The following NPC1 variants were observed in gnomAD, a reference collection of about 807,000 sequenced individuals.
NPC1 encodes the protein Niemann-Pick C1 protein.
In NPC1, 85 loss-of-function variants were observed where a neutral mutation model predicts 140.4. That is an observed-to-expected ratio of 0.61 (90% CI 0.51 to 0.72). The LOEUF (loss-of-function observed/expected upper bound fraction) is 0.72. NPC1 is among the 30% of genes least tolerant of loss of function. NPC1 has a pLI of 0.00. For synonymous variants in NPC1, 656 were observed against 624.8 expected (o/e 1.05, Z -0.74); for missense variants, 1,504 against 1,623.8 (o/e 0.93, Z 1.27).
At position 23,536,865 on chromosome 18, in the gene NPC1, G is replaced by A. The variant is rs2145358077; in HGVS notation, c.3053C>T (p.Ala1018Val). 1.2e-6 allele frequency: 2 copies of A among 1,613,826 alleles called. No individual in the cohort carries two copies. Among genetic ancestry groups the A allele is most frequent in the African/African-American group, 1.3e-5 (1 of 75,028 alleles). ...NPKCGKGGHA[A>V]YSSAVNILLG... The stretch of plus-strand genomic sequence containing the variant: ...GAGGATGTTAACTGCAGAACTATAG[G>A]CAGCATGTCCCCTGAGGAAAGAATC... The change falls in exon 21 of 25, where the codon GCC (alanine) becomes GTC (valine). Residue 1018 changes from alanine to valine, a missense_variant. By Grantham distance (64) the Ala-to-Val change is moderately conservative. Transcript: ENST00000269228.
intron 24 of NPC1, chr18:23,533,009 G>C: frequency 2.2e-6 from 2 of 923,136 alleles, no homozygotes; most frequent in Non-Finnish European, 2.6e-6. Flanking sequence ...CACTGCTGGT[G>C]TGAGAGCTGG....
intron 4 of NPC1, among the ~76,000 whole-genome samples, chr18:23,566,657 G>A (rs1040743698): frequency 1.3e-5 from 2 of 152,058 alleles, no homozygotes; most frequent in African/African-American, 4.8e-5. Flanking sequence ...CTCCCTGACA[G>A]TAGCCCCTTC....
chr18:23,532,153 A>AACCG lies in NPC1; in HGVS notation c.*45_*48dup, dbSNP rs745675237. On this transcript the variant is annotated 3_prime_UTR_variant, in exon 25 of 25. Transcript: ENST00000269228. ...CCGATGCAGCACCCGTCCAGTGGTA[A>AACCG]ACCGACCGACCCTTAGACACAGTTC... The AACCG allele has an allele frequency of 3.1e-6, 5 of 1,614,072 alleles. No homozygotes were observed. Among genetic ancestry groups the AACCG allele is most frequent in the South Asian group, 1.1e-5 (1 of 91,070 alleles).
intron 3 of NPC1, among the ~76,000 whole-genome samples, 153 bp from the exon 4 acceptor site, chr18:23,569,151 T>C (rs2059167387): frequency 6.6e-6 from 1 of 152,166 alleles, no homozygotes; most frequent in South Asian, 2.1e-4. Context: ...AACTTAAAAC[T>C]TCATGTTAAA....
Position 23,532,287 on chromosome 18 carries a change from A to G in NPC1, c.3755-3T>C, listed in dbSNP as rs748965235. ...TTTGGCTTTATTTACTGATGGCCCT[A>G]TGAGAGAGAGAGACTTTTTCTTATT... On this transcript the variant is annotated splice_polypyrimidine_tract_variant and splice_region_variant and intron_variant, in intron 24 of 24. Transcript: ENST00000269228. The G allele has an allele frequency of 3.1e-6, 5 of 1,614,114 alleles. No individual in the cohort carries two copies. Among genetic ancestry groups the G allele is most frequent in the Non-Finnish European group, 4.2e-6 (5 of 1,180,018 alleles).
intron 4 of NPC1, among the ~76,000 whole-genome samples, chr18:23,566,805 T>A (rs1189477199): frequency 6.6e-6 from 1 of 152,238 alleles, no homozygotes; most frequent in Non-Finnish European, 1.5e-5. Flanking sequence ...ATAGAGTATT[T>A]TCACCACCTA....
rs774602107 is a variant in NPC1 at position 23,535,691 on chromosome 18, A to G, written c.3255T>C (p.Tyr1085=). 2.5e-6 allele frequency: 4 copies of G among 1,612,396 alleles called. No homozygotes were observed. In the Admixed American group the frequency reaches 5.0e-5, roughly 20 times the overall value. ...TGGTCAGGTACTGTTCGTAGAAGAC[A>G]TAAAACACACTGGAGGGGAGAGGGG... ...AYRVFPYSVF[Y]VFYEQYLTII... The change falls in exon 22 of 25, where the codon TAT becomes TAC. Residue 1085 remains tyrosine, a synonymous_variant. Coordinates refer to ENST00000269228, the MANE Select transcript of NPC1 (RefSeq NM_000271.5).
intron 23 of NPC1, 41 bp from the exon 24 acceptor site, chr18:23,533,558 C>A (rs1567942920): frequency 6.3e-7 from 1 of 1,587,650 alleles, no homozygotes; most frequent in South Asian, 1.1e-5. Flanking sequence ...CTTTTACCAA[C>A]CTGTAATTGA....
intron 8 of NPC1, among the ~76,000 whole-genome samples, chr18:23,555,421 A>T (rs1317630738): frequency 6.6e-6 from 1 of 152,266 alleles, no homozygotes; most frequent in East Asian, 1.9e-4. Flanking sequence ...CTAACAGAGA[A>T]GATGATCTTG....
chr18:23,557,034 G>A (rs2058963775), intron 7 of NPC1, 83 bp downstream of exon 7: 1 of 1,168,724 alleles, frequency 8.6e-7, no homozygotes. Flanking sequence ...CTCACCCACT[G>A]CTGCAACCCC....
downstream of NPC1, among the ~76,000 whole-genome samples, chr18:23,517,447 AGTACG>A (rs2058038610): frequency 6.6e-6 from 1 of 152,096 alleles, no homozygotes; most frequent in Non-Finnish European, 1.5e-5. Flanking sequence ...CACGCCTGGC[AGTACG>A]GAGGTATATT....
At chr18:23,554,402 T>C (rs2058918974) in intron 9 of NPC1, among the ~76,000 whole-genome samples, 1 of 152,082 alleles carries the variant, frequency 6.6e-6, no homozygotes, top group African/African-American at 2.4e-5. Context: ...GGTCAGGAGA[T>C]TGAGACCAGC....
downstream of NPC1, among the ~76,000 whole-genome samples, chr18:23,517,871 C>G (rs555870977): frequency 1.8e-4 from 28 of 152,272 alleles, no homozygotes; most frequent in Admixed American, 1.6e-3. Context: ...GCGCATGCCA[C>G]CACATCTGGA....
chr18:23,562,016 A>ACGGTGG (rs2145487718), intron 4 of NPC1, among the ~76,000 whole-genome samples: 1 of 152,302 alleles, frequency 6.6e-6, no homozygotes, highest in Non-Finnish European at 1.5e-5. Context: ...TTGGCCGGGC[A>ACGGTGG]CGGTGGCTCA....
intron 6 of NPC1, among the ~76,000 whole-genome samples, chr18:23,559,309 C>T (rs564019502): frequency 5.9e-5 from 9 of 152,012 alleles, no homozygotes; most frequent in Non-Finnish European, 1.3e-4. Flanking sequence ...GTTGTATCAT[C>T]GGGGAAACTG....
chr18:23,584,443 G>A lies in NPC1; in HGVS notation c.57+1844C>T, dbSNP rs192479338. Among the ~76,000 whole-genome samples the A allele has an allele frequency of 5.0e-4, 76 of 152,230 alleles. No individual in the cohort carries two copies. The East Asian group carries it at 0.013, about 27-fold the overall frequency. ...AGTTAAGGTTTACAGACCTTGAAAA[G>A]GCCTCCAGGCATTTTTGCAAGAGAC... On this transcript the variant is annotated intron_variant, in intron 1 of 24. Coordinates refer to ENST00000269228, the MANE Select transcript of NPC1 (RefSeq NM_000271.5).
downstream of NPC1, chr18:23,526,758 T>C (rs372016627): frequency 4.8e-5 from 77 of 1,613,866 alleles, no homozygotes; most frequent in Non-Finnish European, 6.3e-5. Context: ...TGTCTGTCTG[T>C]TCACAGAGTA....
rs138567139 is a variant in NPC1, at chr18:23,556,510, G to A, written c.1059C>T (p.Val353=). 4.3e-6 allele frequency: 7 copies of A among 1,614,172 alleles called. No homozygotes were observed. The East Asian group carries it at 1.3e-4, about 31-fold the overall frequency. ...TAATGAAGACCAGCGAGAAGAAAAT[G>A]ACACAGCCAGGGTTTCGGACGCAGA... ...GSFCVRNPGC[V]IFFSLVFITA... is the part of the protein sequence containing the mutation. Residue 353 remains valine (V), a synonymous_variant, in exon 8 of 25, where the codon GTC becomes GTT. Coordinates refer to ENST00000269228, the MANE Select transcript of NPC1 (RefSeq NM_000271.5).
At chr18:23,544,612 C>G in intron 12 of NPC1, 86 bp from the exon 13 acceptor site, 1 of 1,209,390 alleles carries the variant, frequency 8.3e-7, no homozygotes, top group East Asian at 2.5e-5. Context: ...TTTTACTTTA[C>G]AGGGCTGTAT....
Sources: gnomAD v4.1 joint callset for allele counts (sites outside exome capture counted in the v4.1 genomes callset) on GRCh38, gnomAD v4.1.1 for gene constraint, MANE v1.5 for transcripts, NCBI Gene and HGNC (gene_info 2026-07-23, HGNC 2026-07-21) for gene names.